FARP1: variants seen among roughly 807,000 people sequenced by gnomAD.
FARP1 encodes the protein FERM, ARHGEF and pleckstrin domain-containing protein 1.
FARP1 carries 52 observed loss-of-function variants against 128.8 expected under a neutral mutation model. The ratio of observed to expected loss-of-function variants is 0.40; its 90% CI spans 0.32 to 0.51. The LOEUF (loss-of-function observed/expected upper bound fraction) is 0.51, where lower values mean the gene tolerates loss of function less well. Among genes scored for constraint, FARP1 ranks in the 20% least tolerant of loss-of-function variants. FARP1 has a pLI of 0.45. For synonymous variants in FARP1, 580 were observed against 551.8 expected, an observed-to-expected ratio of 1.05 and a Z score of -0.72; for missense variants, 1,333 against 1,367.9, an observed-to-expected ratio of 0.97 and a Z score of 0.40.
At chr13:98,250,144 C>T (rs1421561033) in intron 2 of FARP1, among the ~76,000 whole-genome samples, 1 of 152,124 alleles carries the variant, frequency 6.6e-6, no homozygotes, top group Non-Finnish European at 1.5e-5. Flanking sequence ...GTGACTTAAT[C>T]GGAGAAACAC....
At chr13:98,382,157 T>C (rs1889909762) in intron 6 of FARP1, 1 of 151,918 alleles carries the variant, frequency 6.6e-6, no homozygotes, top group South Asian at 2.1e-4. Context: ...AACCCTGAAG[T>C]CAAGGCTGCA....
At chr13:98,324,455 A>C (rs1192670149) in intron 2 of FARP1, among the ~76,000 whole-genome samples, 1 of 152,220 alleles carries the variant, frequency 6.6e-6, no homozygotes, top group African/African-American at 2.4e-5. Context: ...GTTGTTATGA[A>C]GCTGAAATTG....
At chr13:98,256,962 T>TAATATATATATATATATATATATA (rs1485305300) in intron 2 of FARP1, among the ~76,000 whole-genome samples, 1 of 113,718 alleles carries the variant, frequency 8.8e-6, no homozygotes, top group East Asian at 2.4e-4. Context: ...TATATATATA[T>TAATATATATATATATATATATATA]ATATATATAT....
chr13:98,180,224 T>G (rs1878409828), intron 1 of FARP1, among the ~76,000 whole-genome samples: 1 of 152,080 alleles, frequency 6.6e-6, no homozygotes, highest in African/African-American at 2.4e-5. Context: ...TTCCAGTTGA[T>G]CACAGTGGAA....
At chr13:98,433,676 A>T (rs1378408656) in intron 18 of FARP1, 2 of 152,666 alleles carry the variant, frequency 1.3e-5, no homozygotes, top group Admixed American at 6.5e-5. Context: ...CTATGATTGC[A>T]CCACAGCCCA....
intron 1 of FARP1, among the ~76,000 whole-genome samples, chr13:98,170,493 A>G (rs1295177613): frequency 6.6e-6 from 1 of 152,174 alleles, no homozygotes; most frequent in Non-Finnish European, 1.5e-5. Flanking sequence ...AGTAGCTGGG[A>G]CTACAGGTGT....
intron 2 of FARP1, among the ~76,000 whole-genome samples, chr13:98,236,744 C>CT (rs1024962571): frequency 4.0e-5 from 6 of 151,148 alleles, no homozygotes; most frequent in African/African-American, 1.5e-4. Flanking sequence ...AATGTTAGTA[C>CT]TTTGGGAAGC....
At chr13:98,396,234 T>C (rs544916543) in intron 13 of FARP1, 1 of 399,174 alleles carries the variant, frequency 2.5e-6, no homozygotes, top group South Asian at 1.3e-4. Context: ...AGGTCCCTGC[T>C]GTGCAGTCGG....
intron 2 of FARP1, among the ~76,000 whole-genome samples, chr13:98,289,039 A>G (rs1885329362): frequency 6.6e-6 from 1 of 150,710 alleles, no homozygotes; most frequent in African/African-American, 2.4e-5. Flanking sequence ...TAACTCATTA[A>G]TGTTTGCGAT....
In FARP1 at chr13:98,431,140, T is replaced by C. The variant is rs375413721; in HGVS notation, c.2003T>C (p.Phe668Ser). 6.2e-7 allele frequency: 1 copy of C among 1,614,000 alleles called. No homozygotes were observed. The highest frequency in any genetic ancestry group is 1.1e-5 in the South Asian group (1 of 91,066). The change falls in exon 18 of 27, where the codon TTT becomes TCT. Residue 668 changes from phenylalanine (F) to serine (S), a missense_variant. Transcript: ENST00000319562. ...CGGCTGGAGAACTTCTGCAGAGACT[T>C]TGAGCTGCAGAAGGTGTGTTACCTA... Reference protein sequence around the residue: ...SRRLENFCRDFELQKVCYLPL... With the variant: ...SRRLENFCRDSELQKVCYLPL...
At position 98,308,026 on chromosome 13, in the gene FARP1, T is replaced by G. The variant is rs1482499532; in HGVS notation, c.172-35736T>G. ...CCTGCCCCCCTCCGCCCGCCCCCAC[T>G]CTCTCTCTTTTTTTTTTTTTTTTTT... On this transcript the variant is annotated intron_variant, in intron 2 of 26. Coordinates refer to ENST00000319562, the MANE Select transcript of FARP1 (RefSeq NM_005766.4). 1.8e-4 allele frequency among the ~76,000 whole-genome samples: 2 copies of G among 11,086 alleles called. 1 individual carries two copies. Among genetic ancestry groups the G allele is most frequent in the African/African-American group, 6.7e-4 (2 of 2,974 alleles). The allele number at this position is 11,086 out of a possible 152,430, so 7.3% of individuals were successfully genotyped here.
intron 1 of FARP1, 75 bp from the exon 2 acceptor site, chr13:98,213,145 G>A: frequency 1.6e-6 from 2 of 1,224,298 alleles, no homozygotes; most frequent in South Asian, 3.0e-5. Context: ...CACCTGGGTG[G>A]GGTTCAAGGT....
intron 2 of FARP1, among the ~76,000 whole-genome samples, chr13:98,224,476 A>G (rs2139374932): frequency 6.7e-6 from 1 of 148,234 alleles, no homozygotes; most frequent in African/African-American, 2.5e-5. Flanking sequence ...GCAGTGAGCC[A>G]AGATCGTGCC....
intron 12 of FARP1, among the ~76,000 whole-genome samples, chr13:98,394,675 C>T (rs1890445450): frequency 1.3e-5 from 2 of 152,218 alleles, no homozygotes. Flanking sequence ...TGGCACATGC[C>T]TGTGGTCCTA....
chr13:98,358,929 G>A (rs374202075), intron 3 of FARP1, among the ~76,000 whole-genome samples: 2 of 152,106 alleles, frequency 1.3e-5, no homozygotes, highest in Non-Finnish European at 1.5e-5. Context: ...GAGGCACCGC[G>A]CACGGCTCTT....
chr13:98,220,610 T>G (rs762362648), intron 2 of FARP1, among the ~76,000 whole-genome samples: 3 of 152,178 alleles, frequency 2.0e-5, no homozygotes, highest in Non-Finnish European at 2.9e-5. Context: ...TGTAGCCCCA[T>G]GAGATTAAAT....
At chr13:98,327,561 A>G (rs1273910715) in intron 2 of FARP1, among the ~76,000 whole-genome samples, 1 of 152,228 alleles carries the variant, frequency 6.6e-6, no homozygotes, top group East Asian at 1.9e-4. Context: ...AGATTTTAAA[A>G]CAATCACATT....
intron 1 of FARP1, among the ~76,000 whole-genome samples, chr13:98,167,536 T>C (rs1877354616): frequency 6.6e-6 from 1 of 151,648 alleles, no homozygotes; most frequent in Admixed American, 6.6e-5. Flanking sequence ...CAGCTTCCCT[T>C]GTAGCTGAGA....
rs867769269 is a variant in FARP1 at position 98,369,777 on chromosome 13, T to A, written c.398+1582T>A. Among the ~76,000 whole-genome samples the A allele has an allele frequency of 5.9e-5, 9 of 152,188 alleles. No homozygotes were observed. In the East Asian group the frequency reaches 1.5e-3, roughly 26 times the overall value. On this transcript the variant is annotated intron_variant, in intron 5 of 26. Coordinates refer to ENST00000319562, the MANE Select transcript of FARP1 (RefSeq NM_005766.4). Reference sequence around the variant, plus strand: ...ATCCAGTCTATCATTGTTGGACATTTGGGTTTAACCAGCCTAATTCTTGTC... The same window carrying A: ...ATCCAGTCTATCATTGTTGGACATTAGGGTTTAACCAGCCTAATTCTTGTC...
Sources: gnomAD v4.1 joint callset for allele counts (sites outside exome capture counted in the v4.1 genomes callset) on GRCh38, gnomAD v4.1.1 for gene constraint, MANE v1.5 for transcripts, NCBI Gene and HGNC (gene_info 2026-07-23, HGNC 2026-07-21) for gene names.